The following EHBP1 variants were observed in gnomAD, a reference collection of about 807,000 sequenced individuals.
EHBP1 encodes EH domain-binding protein 1.
Under a neutral mutation model 144.0 loss-of-function variants are expected in EHBP1, and 55 were observed. That is an observed-to-expected ratio of 0.38 (90% CI 0.31 to 0.48). EHBP1 has a LOEUF of 0.48. Among genes scored for constraint, EHBP1 ranks in the 20% least tolerant of loss-of-function variants. The pLI is 0.98. For synonymous variants in EHBP1, 469 were observed against 472.7 expected (o/e 0.99, Z 0.10); for missense variants, 1,200 against 1,364.2 (o/e 0.88, Z 1.90).
In EHBP1 at chr2:62,975,887, TACACACACACACACACACACACACAC is replaced by T. The variant is rs57375651; in HGVS notation, c.2461-3277_2461-3252del. Among the ~76,000 whole-genome samples the T allele has an allele frequency of 4.0e-5, 5 of 123,668 alleles. No homozygotes were observed. The East Asian group carries it at 1.0e-3, about 25-fold the overall frequency. 81.1% of individuals were successfully genotyped at this position (123,668 alleles called of 152,430 possible). On this transcript the variant is annotated intron_variant, in intron 14 of 22. Coordinates refer to ENST00000431489, the MANE Select transcript of EHBP1 (RefSeq NM_001142616.3). ...TCAGCCTGGATGGGTTTACTGTATG[TACACACACACACACACACACACACAC>T]ACACACACACACACACACACACATA...
intron 15 of EHBP1, among the ~76,000 whole-genome samples, chr2:62,983,036 C>T (rs1194877088): frequency 6.6e-6 from 1 of 152,172 alleles, no homozygotes; most frequent in African/African-American, 2.4e-5. Flanking sequence ...GCCTAGCTTT[C>T]ACTTACCCTC....
At chr2:62,889,047 CTTTTTTTTTTTTTTTTTTTT>C (rs71410971) in intron 10 of EHBP1, among the ~76,000 whole-genome samples, 24 of 39,680 alleles carry the variant, frequency 6.0e-4, no homozygotes, top group East Asian at 1.9e-3. Context: ...GTAGGTACCT[CTTTTTTTTTTTTTTTTTTTT>C]TTTTTTTTTT....
chr2:62,998,931 A>T (rs1036551344), intron 19 of EHBP1, among the ~76,000 whole-genome samples: 6 of 152,162 alleles, frequency 3.9e-5, no homozygotes, highest in Non-Finnish European at 8.8e-5. Context: ...TAGTATCTGA[A>T]GTAAGAGATA....
In EHBP1 at chr2:62,677,404, A is replaced by G. The variant is rs1193535406; in HGVS notation, c.-296+3321A>G. On this transcript the variant is annotated intron_variant, in intron 1 of 22. Transcript: ENST00000405015. ...ACAGGTGTAAATATGTGTGGGTTAC[A>G]TGAGATATTTTGATACAGGAATGCA... is the stretch of plus-strand genomic sequence containing the variant. Among the ~76,000 whole-genome samples the G allele has an allele frequency of 2.6e-5, 4 of 152,288 alleles. No individual in the cohort carries two copies. In the East Asian group the frequency reaches 5.8e-4, roughly 22 times the overall value.
At chr2:62,754,080 A>T (rs1357981321) in intron 3 of EHBP1, among the ~76,000 whole-genome samples, 1 of 152,046 alleles carries the variant, frequency 6.6e-6, no homozygotes, top group Non-Finnish European at 1.5e-5. Flanking sequence ...TGATTTTTAG[A>T]ATTTTCAGCT....
chr2:62,931,843 G>T (rs1218214852), intron 10 of EHBP1, among the ~76,000 whole-genome samples: 1 of 152,048 alleles, frequency 6.6e-6, no homozygotes, highest in African/African-American at 2.4e-5. Flanking sequence ...TATATAGACA[G>T]CTCAATACTA....
intron 3 of EHBP1, among the ~76,000 whole-genome samples, chr2:62,748,818 AT>A (rs1481032977): frequency 6.6e-6 from 1 of 152,104 alleles, no homozygotes; most frequent in Non-Finnish European, 1.5e-5. Flanking sequence ...TGTATTTAAA[AT>A]TTTTTATTTA....
intron 2 of EHBP1, among the ~76,000 whole-genome samples, chr2:62,719,985 T>G (rs537327886): frequency 6.6e-6 from 1 of 152,332 alleles, no homozygotes; most frequent in Non-Finnish European, 1.5e-5. Flanking sequence ...GCTGGGGTTT[T>G]GGCAGTTGCT....
intron 19 of EHBP1, among the ~76,000 whole-genome samples, chr2:63,007,048 A>G (rs1053615078): frequency 6.6e-6 from 1 of 151,840 alleles, no homozygotes; most frequent in Non-Finnish European, 1.5e-5. Flanking sequence ...ATTGCTAAAG[A>G]AGCTTAACAT....
chr2:63,020,323 CAAAAAAAAAAAAAA>C (rs1001418542), intron 19 of EHBP1, among the ~76,000 whole-genome samples: 1 of 45,284 alleles, frequency 2.2e-5, no homozygotes, highest in South Asian at 7.6e-4. Flanking sequence ...GACTCTGTCT[CAAAAAAAAAAAAAA>C]AAAAAAAAAG....
At chr2:62,794,589 A>G (rs1198575235) in intron 5 of EHBP1, among the ~76,000 whole-genome samples, 1 of 152,024 alleles carries the variant, frequency 6.6e-6, no homozygotes, top group Non-Finnish European at 1.5e-5. Flanking sequence ...TCCTTTTGCA[A>G]TATAACTTTT....
chr2:62,829,718 C>T (rs892004247), intron 6 of EHBP1, among the ~76,000 whole-genome samples: 14 of 143,472 alleles, frequency 9.8e-5, no homozygotes, highest in African/African-American at 2.5e-4. Context: ...TATATAAATA[C>T]GTAATATTTA....
chr2:62,801,967 CAAAT>C (rs2044024341), intron 5 of EHBP1, among the ~76,000 whole-genome samples: 1 of 152,170 alleles, frequency 6.6e-6, no homozygotes, highest in Non-Finnish European at 1.5e-5. Flanking sequence ...TGCCTTTTAA[CAAAT>C]ATCCCAGGTG....
At chr2:62,876,810 G>A (rs1185126519) in intron 10 of EHBP1, among the ~76,000 whole-genome samples, 2 of 152,138 alleles carry the variant, frequency 1.3e-5, no homozygotes, top group Non-Finnish European at 2.9e-5. Context: ...GGGGAAACCT[G>A]CCCCATGATC....
At chr2:62,722,654 A>G (rs2036348579) in intron 2 of EHBP1, among the ~76,000 whole-genome samples, 1 of 152,094 alleles carries the variant, frequency 6.6e-6, no homozygotes, top group African/African-American at 2.4e-5. Flanking sequence ...ATCTCCTTTA[A>G]TCTGGTAGAA....
At chr2:63,017,487 T>G (rs936553310) in intron 19 of EHBP1, among the ~76,000 whole-genome samples, 1 of 152,220 alleles carries the variant, frequency 6.6e-6, no homozygotes, top group Non-Finnish European at 1.5e-5. Flanking sequence ...ATGTGAGAAT[T>G]AAATTAGATA....
chr2:63,036,899 C>G (rs372857424), intron 19 of EHBP1, among the ~76,000 whole-genome samples: 1 of 151,712 alleles, frequency 6.6e-6, no homozygotes, highest in African/African-American at 2.4e-5. Context: ...AGTTGTCACT[C>G]TGCTCACATG....
chr2:62,885,871 C>G (rs2051882490), intron 10 of EHBP1, among the ~76,000 whole-genome samples: 1 of 152,216 alleles, frequency 6.6e-6, no homozygotes, highest in Non-Finnish European at 1.5e-5. Context: ...TGTCTACTTA[C>G]TCCCTCTCTG....
intron 7 of EHBP1, among the ~76,000 whole-genome samples, chr2:62,849,502 T>C (rs953206721): frequency 1.3e-5 from 2 of 152,212 alleles, no homozygotes; most frequent in East Asian, 3.8e-4. Flanking sequence ...TTTGTTGTTT[T>C]AAGTCACCAA....
Sources: allele counts gnomAD v4.1 joint callset (sites outside exome capture counted in the v4.1 genomes callset), GRCh38; gene constraint gnomAD v4.1.1; transcripts MANE v1.5; gene names NCBI Gene and HGNC (gene_info 2026-07-23, HGNC 2026-07-21).